Variants in SLC4A7 observed in about 807,000 individuals in gnomAD.
SLC4A7 encodes the protein solute carrier family 4 member 7, also known as sodium bicarbonate cotransporter 3.
SLC4A7 carries 51 observed loss-of-function variants against 137.6 expected under a neutral mutation model. The observed-to-expected ratio is 0.37, with a 90% CI of 0.30 to 0.47. The LOEUF (loss-of-function observed/expected upper bound fraction) is 0.47. SLC4A7 is among the 20% of genes least tolerant of loss of function. The pLI is 1.00. For synonymous variants in SLC4A7, 542 were observed against 518.6 expected, an observed-to-expected ratio of 1.05 and a Z score of -0.61; for missense variants, 1,247 against 1,525.4, an observed-to-expected ratio of 0.82 and a Z score of 3.04.
In SLC4A7 at chr3:27,437,381, G is replaced by A; in HGVS notation, c.428+7C>T. The stretch of plus-strand genomic sequence containing the variant: ...AAAAAAAAGAGAGAGAGACTTAGCA[G>A]TATTACCTAGCAGTTTCTTTCCATT... On this transcript the variant is annotated splice_region_variant and intron_variant, in intron 4 of 25. Coordinates refer to ENST00000454389, the MANE Select transcript of SLC4A7 (RefSeq NM_001321103.2). 6 of 1,553,092 alleles carry A rather than the reference G, an allele frequency of 3.9e-6. No homozygotes were observed. The highest frequency in any genetic ancestry group is 5.2e-6 in the Non-Finnish European group (6 of 1,153,938).
Position 27,421,607 on chromosome 3 carries a change from G to A in SLC4A7, c.1424+15C>T, listed in dbSNP as rs1371255540. On this transcript the variant is annotated intron_variant, in intron 9 of 25. Transcript: ENST00000454389. ...GAAAATGCTTAGAGAATGTTACTTG[G>A]AACTAACTCTTTACCTGGTTGGAAC... is the stretch of plus-strand genomic sequence containing the variant. 1.3e-6 allele frequency: 2 copies of A among 1,598,690 alleles called. No homozygotes were observed. Among genetic ancestry groups the A allele is most frequent in the East Asian group, 2.2e-5 (1 of 44,762 alleles).
In SLC4A7 at chr3:27,416,824, G is replaced by C. The variant is rs546878232; in HGVS notation, c.1659+1662C>G. 3.3e-5 allele frequency among the ~76,000 whole-genome samples: 5 copies of C among 152,128 alleles called. No homozygotes were observed. The South Asian group carries it at 1.0e-3, about 32-fold the overall frequency. On this transcript the variant is annotated intron_variant, in intron 11 of 25. Coordinates refer to ENST00000454389, the MANE Select transcript of SLC4A7 (RefSeq NM_001321103.2). ...ACATTCTTTAAGAATACAAAAACTT[G>C]CTTGAAATAGAAAATCAACTGGTGA...
intron 7 of SLC4A7, among the ~76,000 whole-genome samples, chr3:27,428,509 T>C (rs2055895832): frequency 6.6e-6 from 1 of 152,230 alleles, no homozygotes; most frequent in South Asian, 2.1e-4. Context: ...ATATCCTTTT[T>C]TGCAACTACA....
rs1309514557 is a variant in SLC4A7, at chr3:27,375,444, T to C, written c.*1320A>G. The C allele has an allele frequency of 3.3e-5, 5 of 152,374 alleles. No homozygotes were observed. Among genetic ancestry groups the C allele is most frequent in the African/African-American group, 1.2e-4 (5 of 41,416 alleles). 9.4% of individuals were successfully genotyped at this position (152,374 alleles called of 1,614,324 possible). ...GAACTAAAAGTATATAAAAGATGACTAAAAAGATTTGTTAGACTTTAAAAA... is the reference window on the plus strand; with the variant it reads ...GAACTAAAAGTATATAAAAGATGACCAAAAAGATTTGTTAGACTTTAAAAA... On this transcript the variant is annotated 3_prime_UTR_variant, in exon 26 of 26. Transcript: ENST00000454389.
At chr3:27,479,058 A>G (rs773167168) in intron 1 of SLC4A7, among the ~76,000 whole-genome samples, 60 of 152,062 alleles carry the variant, frequency 3.9e-4, no homozygotes, top group Non-Finnish European at 7.2e-4. Flanking sequence ...GTATTGGCAT[A>G]TCAGCGCCAG....
intron 1 of SLC4A7, among the ~76,000 whole-genome samples, chr3:27,470,652 A>C (rs201073895): frequency 2.4e-4 from 36 of 150,290 alleles, no homozygotes; most frequent in Non-Finnish European, 3.4e-4. Flanking sequence ...AAAAAAAAAA[A>C]AAAAAAACAG....
At chr3:27,479,804 T>C (rs148304069) in intron 1 of SLC4A7, among the ~76,000 whole-genome samples, 17 of 152,332 alleles carry the variant, frequency 1.1e-4, no homozygotes, top group African/African-American at 3.8e-4. Context: ...CAAGAAACTA[T>C]AGTACAAATC....
At chr3:27,480,741 C>T (rs1239066752) in intron 1 of SLC4A7, among the ~76,000 whole-genome samples, 2 of 152,194 alleles carry the variant, frequency 1.3e-5, no homozygotes, top group African/African-American at 2.4e-5. Context: ...TTGCCAATCA[C>T]TACCGAATTC....
chr3:27,441,952 G>A (rs2057232030), intron 3 of SLC4A7, among the ~76,000 whole-genome samples: 1 of 151,520 alleles, frequency 6.6e-6, no homozygotes, highest in Non-Finnish European at 1.5e-5. Context: ...CTGGAGTGCA[G>A]TGACACGATC....
intron 1 of SLC4A7, among the ~76,000 whole-genome samples, chr3:27,470,648 A>AG (rs906283359): frequency 1.3e-4 from 17 of 130,166 alleles, no homozygotes; most frequent in Admixed American, 2.3e-4. Context: ...CTTTAAAAAA[A>AG]AAAAAAAAAA....
chr3:27,436,350 A>G, intron 5 of SLC4A7, 38 bp downstream of exon 5: 1 of 1,515,058 alleles, frequency 6.6e-7, no homozygotes, highest in Non-Finnish European at 9.1e-7. Context: ...AAATTCCACT[A>G]CACCTTACAT....
chr3:27,437,434 G>T lies in SLC4A7; in HGVS notation c.382C>A (p.Leu128Met). The change falls in exon 4 of 26, where the codon CTG becomes ATG. Residue 128 changes from leucine to methionine, a missense_variant. Transcript: ENST00000454389. ...TATTCTTCTCCATCTCTGTAACACA[G>T]TTCATCCATTTCCGTGAAGAGATCA... ...PHDLFTEMDE[L>M]CYRDGEEYEW... 1 of 1,603,416 alleles carries T rather than the reference G, an allele frequency of 6.2e-7. No homozygotes were observed. Among genetic ancestry groups the T allele is most frequent in the Non-Finnish European group, 8.5e-7 (1 of 1,173,828 alleles).
At chr3:27,449,914 T>G (rs1304897574) in intron 2 of SLC4A7, among the ~76,000 whole-genome samples, 2 of 152,222 alleles carry the variant, frequency 1.3e-5, no homozygotes, top group East Asian at 3.8e-4. Context: ...ATATGTGACT[T>G]GAAAGTACAG....
At chr3:27,394,193 T>C (rs773978823) in intron 20 of SLC4A7, among the ~76,000 whole-genome samples, 80 of 151,934 alleles carry the variant, frequency 5.3e-4, no homozygotes, top group Non-Finnish European at 1.0e-3. Context: ...TAATTATTTT[T>C]ATTTTTATAG....
chr3:27,447,640 C>CTTTTTTTTTTTTTTTTTTTTTTTTTT (rs71087609), intron 3 of SLC4A7, among the ~76,000 whole-genome samples: 1 of 99,700 alleles, frequency 1.0e-5, no homozygotes. Context: ...TTTTACAGCC[C>CTTTTTTTTTTTTTTTTTTTTTTTTTT]TTTTTTTTTT....
chr3:27,482,786 AATAATT>A (rs1402612912), intron 1 of SLC4A7, among the ~76,000 whole-genome samples: 1 of 152,042 alleles, frequency 6.6e-6, no homozygotes, highest in African/African-American at 2.4e-5. Flanking sequence ...TAATAATAAT[AATAATT>A]ACAGATTATT....
At chr3:27,422,501 C>G (rs968032445) in intron 8 of SLC4A7, among the ~76,000 whole-genome samples, 1 of 152,026 alleles carries the variant, frequency 6.6e-6, no homozygotes, top group African/African-American at 2.4e-5. Flanking sequence ...GAACTCCTGG[C>G]CAAGTGATTC....
chr3:27,472,761 C>T (rs1398414984), intron 1 of SLC4A7, among the ~76,000 whole-genome samples: 1 of 152,066 alleles, frequency 6.6e-6, no homozygotes, highest in Non-Finnish European at 1.5e-5. Context: ...TGTATCTTAC[C>T]TCTATCAAAA....
chr3:27,413,585 CATA>C (rs1205737843), intron 11 of SLC4A7, among the ~76,000 whole-genome samples: 59 of 152,194 alleles, frequency 3.9e-4, no homozygotes, highest in African/African-American at 1.4e-3. Context: ...TATGATTTAC[CATA>C]ATAATTGATA....
Sources: gnomAD v4.1 joint callset for allele counts (sites outside exome capture counted in the v4.1 genomes callset) on GRCh38, gnomAD v4.1.1 for gene constraint, MANE v1.5 for transcripts, NCBI Gene and HGNC (gene_info 2026-07-23, HGNC 2026-07-21) for gene names.